FYB2: variants seen among roughly 807,000 people sequenced by gnomAD.
FYB2 encodes FYN binding protein 2.
A neutral mutation model predicts 94.1 loss-of-function variants in FYB2; 103 were observed. That is an observed-to-expected ratio of 1.09 (90% CI 0.93 to 1.29). The LOEUF is 1.29. FYB2 is among the 50% of genes most tolerant of loss of function. The pLI is 0.00. For synonymous variants in FYB2, 293 were observed against 287.9 expected (o/e 1.02, Z -0.18); for missense variants, 896 against 841.5 (o/e 1.06, Z -0.80).
At chr1:56,823,529 A>G (rs896351210), upstream of FYB2, 1 of 152,188 alleles carries the variant, frequency 6.6e-6, no homozygotes, top group Non-Finnish European at 1.5e-5. Context: ...GTTTTTGAAA[A>G]ACATTTAATC....
intron 1 of FYB2, among the ~76,000 whole-genome samples, chr1:56,806,990 A>C (rs1646662334): frequency 6.6e-6 from 1 of 152,168 alleles, no homozygotes; most frequent in Admixed American, 6.5e-5. Context: ...CCAACAACCC[A>C]ATTACAGCCC....
chr1:56,781,046 G>A lies in FYB2; in HGVS notation c.953+6129C>T, dbSNP rs550316503. ...CCACAAGGAGGCTGTTTTGTTGTTCGTCAATCAGGTCAGGTCTGTACCAGT... is the reference window on the plus strand; with the variant it reads ...CCACAAGGAGGCTGTTTTGTTGTTCATCAATCAGGTCAGGTCTGTACCAGT... On this transcript the variant is annotated intron_variant, in intron 4 of 19. Coordinates refer to ENST00000343433, the MANE Select transcript of FYB2 (RefSeq NM_001004303.5). Among the ~76,000 whole-genome samples the A allele has an allele frequency of 4.6e-5, 7 of 152,128 alleles. 1 individual carries two copies. The highest frequency in any genetic ancestry group is 1.0e-4 in the Non-Finnish European group (7 of 68,026).
chr1:56,741,460 A>G (rs1431374484), intron 12 of FYB2, among the ~76,000 whole-genome samples: 1 of 152,064 alleles, frequency 6.6e-6, no homozygotes, highest in Non-Finnish European at 1.5e-5. Flanking sequence ...GTGATGGTAC[A>G]TTGATTACCC....
chr1:56,746,513 C>T (rs1645070817), intron 9 of FYB2, among the ~76,000 whole-genome samples: 3 of 151,912 alleles, frequency 2.0e-5, no homozygotes, highest in South Asian at 2.1e-4. Flanking sequence ...CTAATACCAG[C>T]GGTACTTATT....
At chr1:56,767,465 AAGAC>A (rs1305280172) in intron 5 of FYB2, among the ~76,000 whole-genome samples, 4 of 152,178 alleles carry the variant, frequency 2.6e-5, no homozygotes, top group Non-Finnish European at 5.9e-5. Context: ...AACTTCAAGA[AAGAC>A]ACCAGGAGAA....
chr1:56,761,359 G>T (rs1193195861), intron 5 of FYB2, among the ~76,000 whole-genome samples: 1 of 152,186 alleles, frequency 6.6e-6, no homozygotes, highest in Non-Finnish European at 1.5e-5. Flanking sequence ...CGAGGAAACA[G>T]CCAGCCAGAC....
rs956857354 is a variant in FYB2 at position 56,783,473 on chromosome 1, A to G, written c.953+3702T>C. 2.0e-5 allele frequency among the ~76,000 whole-genome samples: 3 copies of G among 152,318 alleles called. No homozygotes were observed. The East Asian group carries it at 5.8e-4, about 29-fold the overall frequency. On this transcript the variant is annotated intron_variant, in intron 4 of 19. Coordinates refer to ENST00000343433, the MANE Select transcript of FYB2 (RefSeq NM_001004303.5). ...ATATAGAAATACAGCTAGAACACAA[A>G]GACTCCTGTTTTATACATTATGGTT... is the stretch of plus-strand genomic sequence containing the variant.
At chr1:56,795,324 G>T (rs1426113153) in intron 1 of FYB2, among the ~76,000 whole-genome samples, 1 of 151,856 alleles carries the variant, frequency 6.6e-6, no homozygotes, top group Non-Finnish European at 1.5e-5. Context: ...TCCTTTTTAA[G>T]GCTAAATAAT....
chr1:56,741,913 C>T (rs555265518), intron 12 of FYB2, among the ~76,000 whole-genome samples: 1 of 151,912 alleles, frequency 6.6e-6, no homozygotes, highest in Non-Finnish European at 1.5e-5. Context: ...TTCTCAAAAG[C>T]GAGAACAATG....
rs756026704 is a variant in FYB2 at position 56,751,084 on chromosome 1, G to T, written c.1347C>A (p.Cys449Ter). ...GCCTGGCCAGCTTTGGGCCCTCAGGGCAGGGATTTGTCTGGATGATGTCAA... is the reference window on the plus strand; with the variant it reads ...GCCTGGCCAGCTTTGGGCCCTCAGGTCAGGGATTTGTCTGGATGATGTCAA... ...AMIDIIQTNP[C>*]PEGPKLARHS... The change falls in exon 9 of 20, where the codon TGC becomes TGA. Residue 449 changes from cysteine (C) to a stop codon, truncating the protein, a stop_gained. Transcript: ENST00000343433. LOFTEE classifies it high-confidence loss of function. The T allele has an allele frequency of 6.8e-6, 11 of 1,612,690 alleles. No individual in the cohort carries two copies. Among genetic ancestry groups the T allele is most frequent in the Non-Finnish European group, 9.3e-6 (11 of 1,179,210 alleles).
At chr1:56,789,565 C>G (rs574476011) in intron 2 of FYB2, among the ~76,000 whole-genome samples, 43 of 152,302 alleles carry the variant, frequency 2.8e-4, no homozygotes, top group Non-Finnish European at 4.0e-4. Flanking sequence ...TCTTGGCAAA[C>G]TTCAATTCAT....
intron 1 of FYB2, among the ~76,000 whole-genome samples, chr1:56,804,229 A>G (rs1419545402): frequency 6.6e-6 from 1 of 152,238 alleles, no homozygotes; most frequent in Non-Finnish European, 1.5e-5. Flanking sequence ...GAGGTCAGGT[A>G]GAAATACATG....
intron 5 of FYB2, among the ~76,000 whole-genome samples, chr1:56,759,327 C>T (rs761237587): frequency 1.8e-4 from 28 of 152,178 alleles, no homozygotes; most frequent in South Asian, 1.2e-3. Flanking sequence ...GAAATGCATC[C>T]TTAGGTGATT....
At chr1:56,789,724 T>C (rs1646218357) in intron 2 of FYB2, among the ~76,000 whole-genome samples, 2 of 152,186 alleles carry the variant, frequency 1.3e-5, no homozygotes, top group African/African-American at 4.8e-5. Context: ...TTGGAGGCAC[T>C]GGTCTATGTT....
At chr1:56,764,981 A>G (rs1419727270) in intron 5 of FYB2, among the ~76,000 whole-genome samples, 2 of 152,208 alleles carry the variant, frequency 1.3e-5, no homozygotes, top group Admixed American at 1.3e-4. Flanking sequence ...ATGTAATACT[A>G]ACTACCTCCT....
intron 5 of FYB2, among the ~76,000 whole-genome samples, chr1:56,759,385 G>C (rs1645434325): frequency 6.6e-6 from 1 of 152,070 alleles, no homozygotes; most frequent in East Asian, 1.9e-4. Flanking sequence ...AACCTAGACG[G>C]TATAGCCTAC....
chr1:56,727,456 C>T (rs1007468696), intron 15 of FYB2, among the ~76,000 whole-genome samples: 5 of 151,582 alleles, frequency 3.3e-5, no homozygotes, highest in Admixed American at 2.0e-4. Flanking sequence ...TATCAACAAT[C>T]GAATGGATAA....
At chr1:56,795,610 T>C (rs1384270267) in intron 1 of FYB2, among the ~76,000 whole-genome samples, 2 of 151,400 alleles carry the variant, frequency 1.3e-5, no homozygotes, top group Non-Finnish European at 1.5e-5. Context: ...TGTACAGGGG[T>C]TCCAATTTCT....
intron 5 of FYB2, among the ~76,000 whole-genome samples, chr1:56,765,487 G>A (rs1645600168): frequency 6.6e-6 from 1 of 152,204 alleles, no homozygotes; most frequent in East Asian, 1.9e-4. Context: ...GCCTGCTGAG[G>A]GTAGATGTCC....
Sources: allele counts gnomAD v4.1 joint callset (sites outside exome capture counted in the v4.1 genomes callset), GRCh38; gene constraint gnomAD v4.1.1; transcripts MANE v1.5; gene names NCBI Gene and HGNC (gene_info 2026-07-23, HGNC 2026-07-21).